FGD5: variants seen among roughly 807,000 people sequenced by gnomAD.
The protein encoded by FGD5 is FYVE, RhoGEF and PH domain-containing protein 5.
FGD5 carries 28 observed loss-of-function variants against 133.4 expected under a neutral mutation model. That is an observed-to-expected ratio of 0.21 (90% CI 0.16 to 0.29). The LOEUF (loss-of-function observed/expected upper bound fraction) is 0.29. Among genes scored for constraint, FGD5 ranks in the 10% least tolerant of loss-of-function variants. The probability of loss-of-function intolerance (pLI) is 1.00; values close to 1 mark genes in which losing one functional copy is unlikely to be tolerated. For missense variants in FGD5, 1,858 were observed against 1,895.2 expected, an observed-to-expected ratio of 0.98 and a Z score of 0.36; for synonymous variants, 810 against 776.5, an observed-to-expected ratio of 1.04 and a Z score of -0.72.
chr3:14,814,791 T>C (rs966250469), upstream of FGD5, among the ~76,000 whole-genome samples: 1 of 152,244 alleles, frequency 6.6e-6, no homozygotes, highest in Non-Finnish European at 1.5e-5. Context: ...ACTGAAATTC[T>C]GGATTTCCCT....
intron 2 of FGD5, among the ~76,000 whole-genome samples, chr3:14,865,533 C>A (rs541325698): frequency 1.3e-5 from 2 of 152,120 alleles, no homozygotes; most frequent in African/African-American, 4.8e-5. Context: ...CTCCTTCACA[C>A]CCTCCCCACC....
At chr3:14,908,941 TATTTATTTATTC>T (rs1277173310) in intron 10 of FGD5, among the ~76,000 whole-genome samples, 3 of 149,842 alleles carry the variant, frequency 2.0e-5, no homozygotes, top group Non-Finnish European at 3.0e-5. Flanking sequence ...TTTATTTATT[TATTTATTTATTC>T]ATTCATTCAT....
intron 18 of FGD5, 163 bp from the exon 19 acceptor site, chr3:14,932,414 T>G: frequency 8.5e-6 from 6 of 701,930 alleles, no homozygotes; most frequent in Middle Eastern, 3.5e-4. Flanking sequence ...CAGGGCTGGC[T>G]CTGGGGGGAA....
intron 17 of FGD5, 119 bp from the exon 18 acceptor site, chr3:14,925,951 A>T: frequency 3.8e-6 from 5 of 1,311,742 alleles, no homozygotes; most frequent in Non-Finnish European, 5.2e-6. Context: ...GACCTTATCC[A>T]GTGTCAAAGC....
chr3:14,917,205 C>T lies in FGD5; in HGVS notation c.3406-44C>T. 1 of 1,553,110 alleles carries T rather than the reference C, an allele frequency of 6.4e-7. No homozygotes were observed. The highest frequency in any genetic ancestry group is 1.4e-5 in the African/African-American group (1 of 73,658). ...CTTTGAGGACAGAAGCCTGGCGCAG[C>T]CTTCTGGGGCCAGGGTCCTCTCATA... On this transcript the variant is annotated intron_variant, in intron 11 of 19. Coordinates refer to ENST00000285046, the MANE Select transcript of FGD5 (RefSeq NM_152536.4). The surrounding 1 kb of genome is among the most constrained non-coding windows in gnomAD (Gnocchi z 4.1).
chr3:14,838,489 A>G (rs1559474840), intron 1 of FGD5, among the ~76,000 whole-genome samples: 1 of 152,204 alleles, frequency 6.6e-6, no homozygotes. Flanking sequence ...TGATTCTGCC[A>G]CTGCCATCTG....
intron 11 of FGD5, among the ~76,000 whole-genome samples, chr3:14,914,649 G>A (rs1043632277): frequency 2.6e-5 from 4 of 152,168 alleles, no homozygotes; most frequent in African/African-American, 4.8e-5. Flanking sequence ...CCTGTGCACA[G>A]GTTCACTGTG....
At chr3:14,831,707 T>C (rs13070730) in intron 1 of FGD5, among the ~76,000 whole-genome samples, 76,854 of 151,966 alleles carry the variant, frequency 0.51, 19,973 homozygotes, top group Non-Finnish European at 0.54. Flanking sequence ...ATTTGATCCG[T>C]AAGCAGTAGG....
chr3:14,849,105 A>C (rs1329686937), intron 1 of FGD5, among the ~76,000 whole-genome samples: 1 of 152,194 alleles, frequency 6.6e-6, no homozygotes, highest in Admixed American at 6.5e-5. Context: ...GTCTGGGTCC[A>C]AGTGTGAGGC....
At chr3:14,868,260 C>G (rs1176478886) in intron 2 of FGD5, among the ~76,000 whole-genome samples, 1 of 152,090 alleles carries the variant, frequency 6.6e-6, no homozygotes, top group East Asian at 1.9e-4. Flanking sequence ...GCCAGCAGCC[C>G]CTCCCAGGGA....
intron 2 of FGD5, among the ~76,000 whole-genome samples, chr3:14,877,402 A>C (rs1000667123): frequency 5.9e-5 from 9 of 152,110 alleles, no homozygotes; most frequent in Admixed American, 3.9e-4. Context: ...GGACCCTACC[A>C]AAAGCCTGTC....
At chr3:14,834,937 T>C (rs2036786425) in intron 1 of FGD5, among the ~76,000 whole-genome samples, 1 of 152,216 alleles carries the variant, frequency 6.6e-6, no homozygotes, top group African/African-American at 2.4e-5. Context: ...ATATGTGATA[T>C]CATTAATCCT....
At chr3:14,886,598 G>A (rs1267612025) in intron 4 of FGD5, among the ~76,000 whole-genome samples, 1 of 152,226 alleles carries the variant, frequency 6.6e-6, no homozygotes, top group Non-Finnish European at 1.5e-5. Context: ...CGGGGAGGGT[G>A]ACACACTGTA....
At chr3:14,869,961 G>C (rs903610137) in intron 2 of FGD5, among the ~76,000 whole-genome samples, 2 of 152,226 alleles carry the variant, frequency 1.3e-5, no homozygotes, top group South Asian at 2.1e-4. Context: ...GCCCTGAAGT[G>C]GGATTGCTGT....
intron 10 of FGD5, among the ~76,000 whole-genome samples, chr3:14,908,582 A>G (rs925600462): frequency 9.9e-5 from 15 of 152,176 alleles, no homozygotes; most frequent in Non-Finnish European, 7.3e-5. Flanking sequence ...AGATATTTAT[A>G]TTTTTAAAAG....
chr3:14,849,634 G>A (rs1021050720), intron 1 of FGD5, among the ~76,000 whole-genome samples: 1 of 152,080 alleles, frequency 6.6e-6, no homozygotes, highest in Non-Finnish European at 1.5e-5. Context: ...CCCCTGGGAC[G>A]TGCTCAGCTC....
At chr3:14,907,743 G>A in intron 10 of FGD5, 32 bp downstream of exon 10, 2 of 1,607,662 alleles carry the variant, frequency 1.2e-6, no homozygotes, top group Non-Finnish European at 1.7e-6. Flanking sequence ...AGGGGCAGAG[G>A]GTGGCTGGGC....
At chr3:14,871,030 A>G (rs2037597577) in intron 2 of FGD5, among the ~76,000 whole-genome samples, 1 of 152,188 alleles carries the variant, frequency 6.6e-6, no homozygotes, top group Non-Finnish European at 1.5e-5. Flanking sequence ...ACCCTTTGCC[A>G]TTGGAGTTTC....
intron 1 of FGD5, among the ~76,000 whole-genome samples, chr3:14,833,401 C>T (rs910192156): frequency 3.3e-5 from 5 of 152,144 alleles, no homozygotes; most frequent in Admixed American, 1.3e-4. Flanking sequence ...ATTAAGAAAA[C>T]GACACACGCA....
Sources: gnomAD v4.1 joint callset for allele counts (sites outside exome capture counted in the v4.1 genomes callset) on GRCh38, gnomAD v4.1.1 for gene constraint, Gnocchi (gnomAD v3.1) non-coding constraint, MANE v1.5 for transcripts, NCBI Gene and HGNC (gene_info 2026-07-23, HGNC 2026-07-21) for gene names.